The following TERT variants were observed in gnomAD, a reference collection of about 807,000 sequenced individuals.
TERT encodes telomerase catalytic subunit.
TERT carries 42 observed loss-of-function variants against 104.0 expected under a neutral mutation model. The ratio of observed to expected loss-of-function variants is 0.40; its 90% CI spans 0.32 to 0.52. The LOEUF (loss-of-function observed/expected upper bound fraction) is 0.52. Ranked by LOEUF, TERT falls within the 20% of genes least tolerant of loss-of-function variation. The probability of loss-of-function intolerance (pLI) is 0.43; values close to 1 mark genes in which losing one functional copy is unlikely to be tolerated. For synonymous variants in TERT, 781 were observed against 725.6 expected (o/e 1.08, Z -1.23); for missense variants, 1,101 against 1,610.3 (o/e 0.68, Z 5.41).
chr5:1,285,400 C>T (rs559496775), intron 2 of TERT, among the ~76,000 whole-genome samples: 1 of 152,322 alleles, frequency 6.6e-6, no homozygotes, highest in Non-Finnish European at 1.5e-5. Flanking sequence ...GACCTACACA[C>T]GGGATCCCGC....
Position 1,255,217 on chromosome 5 carries a change from C to G in TERT, c.3157+70G>C. On this transcript the variant is annotated intron_variant, in intron 14 of 15. Coordinates refer to ENST00000310581, the MANE Select transcript of TERT (RefSeq NM_198253.3). This position sits in a 1 kb window ranked among gnomAD's most constrained non-coding sequence, Gnocchi z 6.9. ...TAAGAACTTCCTAAGCCCAGATTCA[C>G]TCAGTCTCCTGACACACTAACACCA... is the stretch of plus-strand genomic sequence containing the variant. The G allele has an allele frequency of 6.3e-7, 1 of 1,589,090 alleles. No individual in the cohort carries two copies. The highest frequency in any genetic ancestry group is 8.6e-7 in the Non-Finnish European group (1 of 1,165,866).
chr5:1,291,149 C>T (rs1750906116), intron 2 of TERT, among the ~76,000 whole-genome samples: 1 of 140,978 alleles, frequency 7.1e-6, no homozygotes, highest in Non-Finnish European at 1.5e-5. Flanking sequence ...GACAGTGCCT[C>T]ACTCACCCTA....
chr5:1,254,672 A>G (rs1242884367), intron 14 of TERT, among the ~76,000 whole-genome samples, 167 bp from the exon 15 acceptor site: 2 of 152,216 alleles, frequency 1.3e-5, no homozygotes, highest in East Asian at 3.9e-4. Flanking sequence ...CGGCTTCTCC[A>G]GGTGAAATTT....
At position 1,274,095 on chromosome 5, in the gene TERT, A is replaced by G. The variant is rs1227150954; in HGVS notation, c.2287-1815T>C. Among the ~76,000 whole-genome samples the G allele has an allele frequency of 1.3e-5, 2 of 152,340 alleles. No individual in the cohort carries two copies. The highest frequency in any genetic ancestry group is 3.4e-3 in the Middle Eastern group (1 of 294). On this transcript the variant is annotated intron_variant, in intron 6 of 15. Coordinates refer to ENST00000310581, the MANE Select transcript of TERT (RefSeq NM_198253.3). This position sits in a 1 kb window ranked among gnomAD's most constrained non-coding sequence, Gnocchi z 5.3. The stretch of plus-strand genomic sequence containing the variant: ...ACGTGACACACACTAACACGGACAC[A>G]GGAGGCCTCGAGCTTGTGAGGCATC...
At position 1,294,423 on chromosome 5, in the gene TERT, G is replaced by A. The variant is rs1297548100; in HGVS notation, c.463C>T (p.Arg155Cys). 1 of 1,590,988 alleles carries A rather than the reference G, an allele frequency of 6.3e-7. No homozygotes were observed. Among genetic ancestry groups the A allele is most frequent in the Non-Finnish European group, 8.5e-7 (1 of 1,176,642 alleles). Residue 155 changes from arginine to cysteine, a missense_variant, in exon 2 of 16, where the codon CGC (arginine) becomes TGC (cysteine). Transcript: ENST00000310581. ...GCCACCAGCACAAAGAGCGCGCAGCGTGCCAGCAGGTGAACCAGCACGTCG... is the reference window on the plus strand; with the variant it reads ...GCCACCAGCACAAAGAGCGCGCAGCATGCCAGCAGGTGAACCAGCACGTCG... ...GDDVLVHLLA[R>C]CALFVLVAPS...
chr5:1,291,920 C>T (rs1374271092), intron 2 of TERT, among the ~76,000 whole-genome samples: 3 of 152,140 alleles, frequency 2.0e-5, no homozygotes, highest in Non-Finnish European at 4.4e-5. Context: ...GGTTGCATGA[C>T]GCTTATCTGA....
rs772070672 is a variant in TERT, at chr5:1,278,676, C to A, written c.2251G>T (p.Ala751Ser). The A allele has an allele frequency of 6.2e-7, 1 of 1,614,154 alleles. No homozygotes were observed. The highest frequency in any genetic ancestry group is 8.5e-7 in the Non-Finnish European group (1 of 1,180,050). Residue 751 changes from alanine (A) to serine (S), a missense_variant, in exon 6 of 16, where the codon GCC becomes TCC. Ala to Ser is a moderately conservative substitution (Grantham distance 99, BLOSUM62 1). Coordinates refer to ENST00000310581, the MANE Select transcript of TERT (RefSeq NM_198253.3). ...AAGGCCTTGCGGACGTGCCCATGGG[C>A]GGCCTTCTGGACCACGGCATACCGA... Reference protein sequence around the residue: ...VRRYAVVQKAAHGHVRKAFKS... With the variant: ...VRRYAVVQKASHGHVRKAFKS...
intron 9 of TERT, 110 bp from the exon 10 acceptor site, chr5:1,266,645 T>G: frequency 2.1e-6 from 2 of 950,806 alleles, no homozygotes; most frequent in Non-Finnish European, 3.3e-6. Flanking sequence ...TAAAGTAACA[T>G]TCTCCAAAGC....
chr5:1,284,335 G>A lies in TERT; in HGVS notation c.1574-1711C>T, dbSNP rs1485357386. Among the ~76,000 whole-genome samples the A allele has an allele frequency of 1.8e-3, 209 of 113,568 alleles. 1 individual carries two copies. The highest frequency in any genetic ancestry group is 7.2e-3 in the African/African-American group (200 of 27,744). The allele number at this position is 113,568 out of a possible 152,430, so 74.5% of individuals were successfully genotyped here. On this transcript the variant is annotated intron_variant, in intron 2 of 15. Coordinates refer to ENST00000310581, the MANE Select transcript of TERT (RefSeq NM_198253.3). ...CAGCAGGGCCTGGCGACCTCACCCCGGACCTGCATCATCCGGACTCCATAC... is the reference window on the plus strand; with the variant it reads ...CAGCAGGGCCTGGCGACCTCACCCCAGACCTGCATCATCCGGACTCCATAC...
rs34363858 is a variant in TERT at position 1,286,362 on chromosome 5, G to A, written c.1574-3738C>T. ...GGCGGGCCTGAGACAGAAGACAGAC[G>A]GGGAACAAAGGAGGAAAAGCAGGGC... On this transcript the variant is annotated intron_variant, in intron 2 of 15. Coordinates refer to ENST00000310581, the MANE Select transcript of TERT (RefSeq NM_198253.3). The surrounding 1 kb of genome is among the most constrained non-coding windows in gnomAD (Gnocchi z 5.3). 3.3e-5 allele frequency among the ~76,000 whole-genome samples: 5 copies of A among 152,142 alleles called. No individual in the cohort carries two copies. The highest frequency in any genetic ancestry group is 1.9e-4 in the East Asian group (1 of 5,194).
At position 1,261,515 on chromosome 5, in the gene TERT, GA is replaced by G. The variant is rs1748226245; in HGVS notation, c.2844-916del. On this transcript the variant is annotated intron_variant, in intron 11 of 15. Coordinates refer to ENST00000310581, the MANE Select transcript of TERT (RefSeq NM_198253.3). The surrounding 1 kb of genome is among the most constrained non-coding windows in gnomAD (Gnocchi z 7.4). Reference sequence around the variant, plus strand: ...TTCCATGCAAACAAGCTGCTTTCCAGAAAAGTCTTTCCAGCTTGCCTCAACC... The same window carrying G: ...TTCCATGCAAACAAGCTGCTTTCCAGAAAGTCTTTCCAGCTTGCCTCAACC... Among the ~76,000 whole-genome samples, 1 of 152,222 alleles carries G rather than the reference GA, an allele frequency of 6.6e-6. No homozygotes were observed. The highest frequency in any genetic ancestry group is 2.4e-5 in the African/African-American group (1 of 41,464).
intron 5 of TERT, 127 bp downstream of exon 5, chr5:1,279,164 A>T: frequency 9.0e-7 from 1 of 1,113,480 alleles, no homozygotes; most frequent in Non-Finnish European, 1.3e-6. Flanking sequence ...TGTCCTCAAC[A>T]GTGACAGGGT....
Position 1,273,815 on chromosome 5 carries a change from T to G in TERT, c.2287-1535A>C, listed in dbSNP as rs1749332001. Among the ~76,000 whole-genome samples the G allele has an allele frequency of 2.0e-5, 3 of 148,574 alleles. No homozygotes were observed. In the Admixed American group the frequency reaches 2.0e-4, roughly 10 times the overall value. ...AACCGCCATCCACAGTCACCACACA[T>G]CAGACCCCCGTGACCGACTGCCATC... On this transcript the variant is annotated intron_variant, in intron 6 of 15. Coordinates refer to ENST00000310581, the MANE Select transcript of TERT (RefSeq NM_198253.3).
In TERT at chr5:1,268,502, G is replaced by A. The variant is rs2126607004; in HGVS notation, c.2582+18C>T. 3 of 1,603,614 alleles carry A rather than the reference G, an allele frequency of 1.9e-6. No homozygotes were observed. The highest frequency in any genetic ancestry group is 2.6e-6 in the Non-Finnish European group (3 of 1,171,824). The stretch of plus-strand genomic sequence containing the variant: ...ATCAACCCCCACCCAAGCCCCCCTG[G>A]GGAAGAGGAGGCCTCACCCGTCCCG... On this transcript the variant is annotated intron_variant, in intron 9 of 15. Transcript: ENST00000310581. The surrounding 1 kb of genome is among the most constrained non-coding windows in gnomAD (Gnocchi z 5.5).
intron 12 of TERT, 29 bp from the exon 13 acceptor site, chr5:1,258,688 G>T (rs145270195): frequency 6.5e-7 from 1 of 1,541,754 alleles, no homozygotes; most frequent in Non-Finnish European, 8.8e-7. Context: ...AGTGAGAAAC[G>T]GTAGAAACCT....
In TERT at chr5:1,256,545, T is replaced by TGG. The variant is rs1424375212; in HGVS notation, c.3033-1135_3033-1134insCC. The stretch of plus-strand genomic sequence containing the variant: ...CCACTGCCTGAGCCCCCCGTGTACC[T>TGG]CATCTCACCCACTGCCTGAGCCCCC... On this transcript the variant is annotated intron_variant, in intron 13 of 15. Transcript: ENST00000310581. This position sits in a 1 kb window ranked among gnomAD's most constrained non-coding sequence, Gnocchi z 7.0. Among the ~76,000 whole-genome samples, 26 of 144,296 alleles carry TGG rather than the reference T, an allele frequency of 1.8e-4. No individual in the cohort carries two copies. Among genetic ancestry groups the TGG allele is most frequent in the Non-Finnish European group, 2.9e-4 (19 of 66,464 alleles). 94.7% of individuals were successfully genotyped at this position (144,296 alleles called of 152,430 possible).
At position 1,265,119 on chromosome 5, in the gene TERT, C is replaced by T. The variant is rs569403257; in HGVS notation, c.2655-527G>A. Among the ~76,000 whole-genome samples, 1 of 152,214 alleles carries T rather than the reference C, an allele frequency of 6.6e-6. No individual in the cohort carries two copies. The highest frequency in any genetic ancestry group is 2.1e-4 in the South Asian group (1 of 4,836). On this transcript the variant is annotated intron_variant, in intron 10 of 15. Transcript: ENST00000310581. This position sits in a 1 kb window ranked among gnomAD's most constrained non-coding sequence, Gnocchi z 6.9. ...CCTGGCTGGGCTGTGAGCTGGGCAACACCAGTCGTCAGCTTCACGTCAAGG... is the reference window on the plus strand; with the variant it reads ...CCTGGCTGGGCTGTGAGCTGGGCAATACCAGTCGTCAGCTTCACGTCAAGG...
Position 1,294,769 on chromosome 5 carries a change from A to T in TERT, c.219+2T>A. 1 of 1,542,082 alleles carries T rather than the reference A, an allele frequency of 6.5e-7. No individual in the cohort carries two copies. Among genetic ancestry groups the T allele is most frequent in the Non-Finnish European group, 8.7e-7 (1 of 1,153,006 alleles). On this transcript the variant is annotated splice_donor_variant, in intron 1 of 15. Coordinates refer to ENST00000310581, the MANE Select transcript of TERT (RefSeq NM_198253.3). LOFTEE classifies it high-confidence loss of function. ...CCGGACGCCGACCCCGGGGAGGCCC[A>T]CCTGGCGGAAGGAGGGGGCGGCGGG...
In TERT at chr5:1,265,592, T is replaced by C. The variant is rs1038429307; in HGVS notation, c.2654+872A>G. Among the ~76,000 whole-genome samples the C allele has an allele frequency of 2.0e-5, 3 of 151,932 alleles. No individual in the cohort carries two copies. The highest frequency in any genetic ancestry group is 7.3e-5 in the African/African-American group (3 of 41,358). The stretch of plus-strand genomic sequence containing the variant: ...GGATTTAAATGTGCACAGCCTGCTG[T>C]GCTCCGGGCTGCGGCACAAGGAACG... On this transcript the variant is annotated intron_variant, in intron 10 of 15. Coordinates refer to ENST00000310581, the MANE Select transcript of TERT (RefSeq NM_198253.3). The surrounding 1 kb of genome is among the most constrained non-coding windows in gnomAD (Gnocchi z 6.9).
Sources: gnomAD v4.1 joint callset for allele counts (sites outside exome capture counted in the v4.1 genomes callset) on GRCh38, gnomAD v4.1.1 for gene constraint, Gnocchi (gnomAD v3.1) non-coding constraint, MANE v1.5 for transcripts, NCBI Gene and HGNC (gene_info 2026-07-23, HGNC 2026-07-21) for gene names.